Variants in NLGN1 observed in about 807,000 individuals in gnomAD.
The protein encoded by NLGN1 is neuroligin 1.
In NLGN1, 12 loss-of-function variants were observed where a neutral mutation model predicts 65.5. The observed-to-expected ratio is 0.18, with a 90% confidence interval of 0.12 to 0.30. The LOEUF (loss-of-function observed/expected upper bound fraction) is 0.30, where lower values mean the gene tolerates loss of function less well. NLGN1 is among the 10% of genes least tolerant of loss of function. The pLI is 1.00. For missense variants in NLGN1, 750 were observed against 1,007.1 expected, an observed-to-expected ratio of 0.74 and a Z score of 3.46; for synonymous variants, 350 against 359.5, an observed-to-expected ratio of 0.97 and a Z score of 0.30.
intron 3 of NLGN1, among the ~76,000 whole-genome samples, chr3:173,708,597 G>A (rs1768425856): frequency 6.6e-6 from 1 of 152,134 alleles, no homozygotes; most frequent in Non-Finnish European, 1.5e-5. Context: ...TGATACGTAA[G>A]GAATAGCCTA....
chr3:174,019,547 T>G (rs2152455987), intron 4 of NLGN1, among the ~76,000 whole-genome samples: 1 of 152,278 alleles, frequency 6.6e-6, no homozygotes, highest in East Asian at 1.9e-4. Context: ...GAAAACAGAC[T>G]AAGACAAACA....
At chr3:174,060,008 G>T (rs942781753) in intron 4 of NLGN1, among the ~76,000 whole-genome samples, 1 of 152,118 alleles carries the variant, frequency 6.6e-6, no homozygotes, top group East Asian at 1.9e-4. Context: ...TGAGTGGGAA[G>T]AGGGACACTC....
At chr3:173,855,824 C>G (rs1349026839) in intron 4 of NLGN1, among the ~76,000 whole-genome samples, 1 of 152,052 alleles carries the variant, frequency 6.6e-6, no homozygotes, top group African/African-American at 2.4e-5. Context: ...ATAAATATTG[C>G]AAGTCTTTTA....
intron 4 of NLGN1, among the ~76,000 whole-genome samples, chr3:174,031,722 G>C (rs111324466): frequency 2.6e-5 from 4 of 152,098 alleles, no homozygotes; most frequent in African/African-American, 9.6e-5. Flanking sequence ...AATGATAGTC[G>C]TAGAAATAGA....
chr3:173,795,775 C>A (rs1400906320), intron 3 of NLGN1, among the ~76,000 whole-genome samples: 1 of 151,866 alleles, frequency 6.6e-6, no homozygotes, highest in Admixed American at 6.6e-5. Context: ...TAAATTTTAC[C>A]CCAAGAGAAT....
At chr3:173,453,715 T>C (rs1035092987) in intron 2 of NLGN1, among the ~76,000 whole-genome samples, 1 of 152,200 alleles carries the variant, frequency 6.6e-6, no homozygotes, top group Non-Finnish European at 1.5e-5. Context: ...CTTTAGGCTC[T>C]ACTTTTAATT....
At chr3:174,153,547 C>T (rs75172571) in intron 4 of NLGN1, among the ~76,000 whole-genome samples, 8,205 of 152,136 alleles carry the variant, frequency 0.054, 455 homozygotes, top group African/African-American at 0.14. Context: ...TGTATATATA[C>T]TTATGTTTTC....
chr3:174,219,678 G>A (rs1026514175), intron 4 of NLGN1, among the ~76,000 whole-genome samples: 1 of 152,140 alleles, frequency 6.6e-6, no homozygotes, highest in African/African-American at 2.4e-5. Context: ...AAGCAGGTTG[G>A]TGTGTGTTCA....
chr3:173,568,712 G>A (rs971211882), intron 2 of NLGN1, among the ~76,000 whole-genome samples: 4 of 152,278 alleles, frequency 2.6e-5, no homozygotes, highest in Admixed American at 6.5e-5. Flanking sequence ...ATCTCGCTCT[G>A]TTGCCCAGGC....
intron 4 of NLGN1, among the ~76,000 whole-genome samples, chr3:173,815,987 TATA>T (rs10575269): frequency 0.66 from 97,082 of 147,726 alleles, 32,785 homozygotes; most frequent in Non-Finnish European, 0.74. Context: ...TAAATTATAT[TATA>T]ATAATTAATT....
chr3:173,843,273 A>C (rs1725130756), intron 4 of NLGN1, among the ~76,000 whole-genome samples: 1 of 152,178 alleles, frequency 6.6e-6, no homozygotes, highest in Non-Finnish European at 1.5e-5. Flanking sequence ...CTGTGATGGG[A>C]GGGGCTGCCA....
intron 4 of NLGN1, among the ~76,000 whole-genome samples, chr3:174,100,944 C>A (rs1712300242): frequency 1.3e-5 from 2 of 152,142 alleles, no homozygotes; most frequent in African/African-American, 4.8e-5. Context: ...AGCCATCATA[C>A]TTCTAGAGGC....
intron 3 of NLGN1, among the ~76,000 whole-genome samples, chr3:173,763,778 A>G (rs1198150910): frequency 6.6e-6 from 1 of 152,082 alleles, no homozygotes; most frequent in African/African-American, 2.4e-5. Flanking sequence ...CAAGAGGGAT[A>G]AAGAGGAGGA....
At chr3:173,893,559 C>CT (rs1049917958) in intron 4 of NLGN1, among the ~76,000 whole-genome samples, 1 of 152,150 alleles carries the variant, frequency 6.6e-6, no homozygotes, top group Non-Finnish European at 1.5e-5. Context: ...TGATGCTTGA[C>CT]TTTTTCCTCA....
chr3:173,965,960 G>A (rs188805067), intron 4 of NLGN1, among the ~76,000 whole-genome samples: 133 of 152,106 alleles, frequency 8.7e-4, no homozygotes, highest in Middle Eastern at 6.8e-3. Flanking sequence ...TGTGGGACAG[G>A]TGTTAGCAGT....
intron 2 of NLGN1, among the ~76,000 whole-genome samples, chr3:173,602,472 A>T: frequency 6.6e-6 from 1 of 152,010 alleles, no homozygotes. Context: ...AAAATCCATC[A>T]TGGCATGCAG....
intron 3 of NLGN1, among the ~76,000 whole-genome samples, chr3:173,742,340 A>G (rs1774779811): frequency 1.3e-5 from 2 of 152,072 alleles, no homozygotes; most frequent in Non-Finnish European, 1.5e-5. Flanking sequence ...ATAAATATGT[A>G]AATTTTCTGT....
At chr3:174,275,193 T>A (rs1301329886) in intron 4 of NLGN1, 122 bp from the exon 5 acceptor site, 12 of 677,668 alleles carry the variant, frequency 1.8e-5, no homozygotes, top group Non-Finnish European at 3.0e-5. Flanking sequence ...TGGAAAATAA[T>A]TTTTACTAAT....
chr3:173,791,253 G>A (rs1712660384), intron 3 of NLGN1, among the ~76,000 whole-genome samples: 1 of 152,158 alleles, frequency 6.6e-6, no homozygotes, highest in African/African-American at 2.4e-5. Context: ...GAAGTTCTGG[G>A]TAATCGTTAT....
Sources: allele counts gnomAD v4.1 joint callset (sites outside exome capture counted in the v4.1 genomes callset), GRCh38; gene constraint gnomAD v4.1.1; transcripts MANE v1.5; gene names NCBI Gene and HGNC (gene_info 2026-07-23, HGNC 2026-07-21).